Variants in CSMD1 observed in about 807,000 individuals in gnomAD.
CSMD1 encodes CUB and Sushi multiple domains 1, also known as CUB and sushi domain-containing protein 1.
CSMD1 carries 213 observed loss-of-function variants against 417.5 expected under a neutral mutation model. That is an observed-to-expected ratio of 0.51 (90% CI 0.46 to 0.57). The LOEUF is 0.57. CSMD1 is among the 20% of genes least tolerant of loss of function. The pLI is 0.00. For missense variants in CSMD1, 6,923 were observed against 4,529.7 expected, an observed-to-expected ratio of 1.53 and a Z score of -15.17; for synonymous variants, 2,862 against 1,736.8, an observed-to-expected ratio of 1.65 and a Z score of -16.11.
chr8:3,473,449 T>C (rs1156681257), intron 11 of CSMD1, among the ~76,000 whole-genome samples: 1 of 152,218 alleles, frequency 6.6e-6, no homozygotes, highest in Admixed American at 6.5e-5. Context: ...AATTTTTATG[T>C]TATTTTATAA....
chr8:4,206,464 C>G (rs1220594380), intron 3 of CSMD1, among the ~76,000 whole-genome samples: 1 of 152,060 alleles, frequency 6.6e-6, no homozygotes, highest in Non-Finnish European at 1.5e-5. Context: ...TGATAGTTTG[C>G]TCAGAATAAT....
At chr8:4,654,096 G>T (rs1309842494) in intron 1 of CSMD1, among the ~76,000 whole-genome samples, 4 of 151,964 alleles carry the variant, frequency 2.6e-5, no homozygotes, top group Admixed American at 2.6e-4. Flanking sequence ...TTCTTTCCCG[G>T]TGCAAACCAG....
intron 7 of CSMD1, among the ~76,000 whole-genome samples, chr8:3,626,396 G>C (rs560256403): frequency 1.1e-4 from 16 of 152,256 alleles, no homozygotes; most frequent in South Asian, 8.3e-4. Flanking sequence ...GACTAGGCCA[G>C]TTTATATTAC....
intron 1 of CSMD1, among the ~76,000 whole-genome samples, chr8:4,932,969 T>C (rs1025396824): frequency 6.6e-6 from 1 of 152,192 alleles, no homozygotes; most frequent in African/African-American, 2.4e-5. Flanking sequence ...AATGCAGGAA[T>C]TGAAGATGGG....
At chr8:4,902,838 T>A (rs1231678790) in intron 1 of CSMD1, among the ~76,000 whole-genome samples, 2 of 150,446 alleles carry the variant, frequency 1.3e-5, no homozygotes, top group East Asian at 1.9e-4. Flanking sequence ...TACATACACA[T>A]ATTTTTATTT....
intron 7 of CSMD1, among the ~76,000 whole-genome samples, chr8:3,689,721 C>G (rs58883924): frequency 1.3e-5 from 2 of 151,690 alleles, no homozygotes; most frequent in Non-Finnish European, 2.9e-5. Flanking sequence ...TAATCAATCC[C>G]TTTTTAGTGA....
At chr8:4,550,647 T>C (rs753093194) in intron 2 of CSMD1, among the ~76,000 whole-genome samples, 6 of 152,150 alleles carry the variant, frequency 3.9e-5, no homozygotes, top group Non-Finnish European at 8.8e-5. Flanking sequence ...TAAAAGGATC[T>C]CTAACAGTTT....
intron 1 of CSMD1, chr8:4,788,617 A>G (rs1032161314): frequency 2.4e-5 from 22 of 913,890 alleles, no homozygotes; most frequent in Middle Eastern, 3.5e-4. Context: ...TTTTAGGGGA[A>G]AAACTACAAA....
At chr8:3,980,726 G>A (rs974232956) in intron 5 of CSMD1, among the ~76,000 whole-genome samples, 5 of 152,104 alleles carry the variant, frequency 3.3e-5, no homozygotes, top group African/African-American at 9.7e-5. Flanking sequence ...GAAGTAAGAA[G>A]CCCCCACCCT....
At chr8:3,864,343 G>A (rs1027560533) in intron 5 of CSMD1, among the ~76,000 whole-genome samples, 1 of 137,796 alleles carries the variant, frequency 7.3e-6, no homozygotes, top group South Asian at 2.3e-4. Context: ...GAAAGACGAT[G>A]CATAGATAAC....
At chr8:4,424,584 C>G (rs529824764) in intron 2 of CSMD1, among the ~76,000 whole-genome samples, 18 of 152,064 alleles carry the variant, frequency 1.2e-4, no homozygotes, top group Admixed American at 2.0e-4. Context: ...AAATTGGTTG[C>G]TCTTATACTG....
At chr8:4,889,637 A>G (rs945684182) in intron 1 of CSMD1, among the ~76,000 whole-genome samples, 3 of 152,154 alleles carry the variant, frequency 2.0e-5, no homozygotes, top group African/African-American at 2.4e-5. Context: ...ACTGGTAGCC[A>G]TAAGAGACTG....
chr8:3,111,544 A>G (rs1321564323), intron 42 of CSMD1, among the ~76,000 whole-genome samples: 2 of 152,014 alleles, frequency 1.3e-5, no homozygotes, highest in African/African-American at 4.8e-5. Context: ...CTAAAATGGG[A>G]CCATAGGCTG....
At chr8:4,513,804 C>A (rs1044809742) in intron 2 of CSMD1, among the ~76,000 whole-genome samples, 1 of 152,178 alleles carries the variant, frequency 6.6e-6, no homozygotes, top group African/African-American at 2.4e-5. Flanking sequence ...GGGAATATTA[C>A]TTAAGCTACG....
chr8:3,554,719 G>C (rs761612094), intron 10 of CSMD1, among the ~76,000 whole-genome samples: 3 of 152,160 alleles, frequency 2.0e-5, no homozygotes, highest in East Asian at 1.9e-4. Flanking sequence ...AGAATGTTGA[G>C]AGCTTCAGAA....
intron 18 of CSMD1, among the ~76,000 whole-genome samples, chr8:3,378,385 C>A (rs1049948937): frequency 2.6e-5 from 4 of 152,152 alleles, no homozygotes; most frequent in Non-Finnish European, 5.9e-5. Context: ...GGACTCCTCC[C>A]TAACTCATTT....
At chr8:4,486,298 C>T (rs1801415702) in intron 2 of CSMD1, among the ~76,000 whole-genome samples, 1 of 147,270 alleles carries the variant, frequency 6.8e-6, no homozygotes, top group Non-Finnish European at 1.5e-5. Context: ...AACATAGGCA[C>T]ATAGAGCTTT....
At chr8:4,761,016 T>C (rs1812005680) in intron 1 of CSMD1, among the ~76,000 whole-genome samples, 1 of 152,202 alleles carries the variant, frequency 6.6e-6, no homozygotes, top group Non-Finnish European at 1.5e-5. Flanking sequence ...AGTAGCAGTT[T>C]GGTGTCAGAA....
chr8:3,930,092 AT>A (rs1302979437), intron 5 of CSMD1, among the ~76,000 whole-genome samples: 1 of 150,354 alleles, frequency 6.7e-6, no homozygotes, highest in African/African-American at 2.5e-5. Flanking sequence ...TCCTTGGAAG[AT>A]TATCTTTATT....
Sources: allele counts gnomAD v4.1 joint callset (sites outside exome capture counted in the v4.1 genomes callset), GRCh38; gene constraint gnomAD v4.1.1; transcripts MANE v1.5; gene names NCBI Gene and HGNC (gene_info 2026-07-23, HGNC 2026-07-21).